The following DNAH5 variants were observed in gnomAD, a reference collection of about 807,000 sequenced individuals.
The protein encoded by DNAH5 is dynein axonemal heavy chain 5.
A neutral mutation model predicts 518.2 loss-of-function variants in DNAH5; 372 were observed. That is an observed-to-expected ratio of 0.72 (90% CI 0.66 to 0.78). DNAH5 has a LOEUF of 0.78. Ranked by LOEUF, DNAH5 falls within the 30% of genes least tolerant of loss-of-function variation. The pLI, the probability that DNAH5 is intolerant of heterozygous loss-of-function variation, is 0.00. For synonymous variants in DNAH5, 2,039 were observed against 2,025.9 expected, an observed-to-expected ratio of 1.01 and a Z score of -0.17; for missense variants, 5,523 against 5,687.0, an observed-to-expected ratio of 0.97 and a Z score of 0.93.
In DNAH5 at chr5:13,842,431, G is replaced by T. The variant is rs1255214818; in HGVS notation, c.5272-527C>A. 6.7e-5 allele frequency among the ~76,000 whole-genome samples: 4 copies of T among 59,486 alleles called. 1 individual carries two copies. Among genetic ancestry groups the T allele is most frequent in the Non-Finnish European group, 7.0e-5 (2 of 28,490 alleles). 39.0% of individuals were successfully genotyped at this position (59,486 alleles called of 152,430 possible). On this transcript the variant is annotated intron_variant, in intron 32 of 78. Coordinates refer to ENST00000265104, the MANE Select transcript of DNAH5 (RefSeq NM_001369.3). ...GAGAAAGAAAAGAAAAGAAAAGAAAGAAAGAAAGAAAGAAAGAAAGAAAGA... is the reference window on the plus strand; with the variant it reads ...GAGAAAGAAAAGAAAAGAAAAGAAATAAAGAAAGAAAGAAAGAAAGAAAGA...
intron 31 of DNAH5, among the ~76,000 whole-genome samples, chr5:13,846,635 A>G (rs955059912): frequency 6.6e-6 from 1 of 152,126 alleles, no homozygotes; most frequent in African/African-American, 2.4e-5. Flanking sequence ...ATACAAAGAG[A>G]GGGTCATGCT....
rs778689094 is a variant in DNAH5, at chr5:13,817,634, A to G, written c.6902T>C (p.Met2301Thr). 1.2e-6 allele frequency: 2 copies of G among 1,614,052 alleles called. No individual in the cohort carries two copies. Among genetic ancestry groups the G allele is most frequent in the African/African-American group, 2.7e-5 (2 of 74,934 alleles). ...TGTGGCAACGTCCAGCCGACCAAAC[A>G]TCTGTGGGGCAGTAATCGCTTTGGG... ...MNPKAITAPQMFGRLDVATND... is the reference protein window; with the variant it reads ...MNPKAITAPQTFGRLDVATND... The change falls in exon 42 of 79, where the codon ATG becomes ACG. Residue 2301 changes from methionine to threonine, a missense_variant. Met to Thr is a moderately conservative substitution (Grantham distance 81, BLOSUM62 -1). Transcript: ENST00000265104.
At chr5:13,977,130 A>T (rs1309700663) in intron 1 of DNAH5, among the ~76,000 whole-genome samples, 1 of 152,170 alleles carries the variant, frequency 6.6e-6, no homozygotes, top group Non-Finnish European at 1.5e-5. Flanking sequence ...CACTTCTTTT[A>T]GCAGTCTTGG....
chr5:13,913,801 T>G lies in DNAH5; in HGVS notation c.1478A>C (p.Tyr493Ser), dbSNP rs1202284664. Residue 493 changes from tyrosine (Y) to serine (S), a missense_variant, in exon 11 of 79, where the codon TAT (tyrosine) becomes TCT (serine). By Grantham distance (144) the Tyr-to-Ser change is moderately radical (BLOSUM62 -2). This residue lies in a region of DNAH5 where 5,121 missense variants were observed against 5,223.3 expected (regional missense o/e 0.98). Coordinates refer to ENST00000265104, the MANE Select transcript of DNAH5 (RefSeq NM_001369.3). ...IIDIFTTLKT[Y>S]SVLQDSTIEG... ...AATTGTGGAATCTTGCAGGACTGAA[T>G]ACGTCTTGAGGGTTGTAAAGATGTC... 1 of 1,613,648 alleles carries G rather than the reference T, an allele frequency of 6.2e-7. No individual in the cohort carries two copies. The highest frequency in any genetic ancestry group is 8.5e-7 in the Non-Finnish European group (1 of 1,179,602).
rs1026057493 is a variant in DNAH5 at position 13,765,120 on chromosome 5, T to A, written c.10101+856A>T. On this transcript the variant is annotated intron_variant, in intron 59 of 78. Transcript: ENST00000265104. ...GCTACCATGCACCTCTTCTCAACTC[T>A]AGATTCAGCAACATCATTTTGGCAG... Among the ~76,000 whole-genome samples the A allele has an allele frequency of 2.0e-5, 3 of 152,204 alleles. No individual in the cohort carries two copies. The East Asian group carries it at 5.8e-4, about 29-fold the overall frequency.
Position 13,714,453 on chromosome 5 carries a change from C to G in DNAH5, c.13077G>C (p.Leu4359=), listed in dbSNP as rs148805204. ...DETREAVVAR[L]ADDMLEKLPP... ...GCAGCTTCTCCAGCATATCATCAGCCAGCCGGGCCACCACCGCCTCCCGGG... is the reference window on the plus strand; with the variant it reads ...GCAGCTTCTCCAGCATATCATCAGCGAGCCGGGCCACCACCGCCTCCCGGG... Residue 4359 remains leucine, a synonymous_variant, in exon 75 of 79, where the codon CTG becomes CTC. Transcript: ENST00000265104. 1 of 1,613,986 alleles carries G rather than the reference C, an allele frequency of 6.2e-7. No individual in the cohort carries two copies. Among genetic ancestry groups the G allele is most frequent in the African/African-American group, 1.3e-5 (1 of 74,910 alleles).
chr5:13,792,322 T>A (rs1757129232), intron 49 of DNAH5, 105 bp from the exon 50 acceptor site: 3 of 874,378 alleles, frequency 3.4e-6, no homozygotes, highest in South Asian at 2.9e-5. Context: ...TTATACATTT[T>A]AATAGATAAT....
intron 10 of DNAH5, 31 bp downstream of exon 10, chr5:13,914,489 T>A: frequency 6.2e-7 from 1 of 1,607,682 alleles, no homozygotes; most frequent in Non-Finnish European, 8.5e-7. Flanking sequence ...ATAAAAAGAA[T>A]AGAACATCTA....
chr5:13,926,715 G>A (rs1777908173), intron 3 of DNAH5, among the ~76,000 whole-genome samples: 1 of 152,214 alleles, frequency 6.6e-6, no homozygotes, highest in South Asian at 2.1e-4. Context: ...CCAGTGAGAA[G>A]ATTTAAAGGT....
chr5:13,889,625 T>A (rs1332268567), intron 17 of DNAH5, among the ~76,000 whole-genome samples: 1 of 152,202 alleles, frequency 6.6e-6, no homozygotes, highest in African/African-American at 2.4e-5. Context: ...TGATTCCTTC[T>A]GGGAGTCTGG....
chr5:13,831,834 C>T (rs777174003), intron 35 of DNAH5, among the ~76,000 whole-genome samples: 1 of 152,200 alleles, frequency 6.6e-6, no homozygotes, highest in Non-Finnish European at 1.5e-5. Flanking sequence ...GTGTGCTCCA[C>T]ATGCATCATC....
At chr5:13,713,271 C>A (rs563367559) in intron 75 of DNAH5, among the ~76,000 whole-genome samples, 2 of 122,260 alleles carry the variant, frequency 1.6e-5, no homozygotes, top group African/African-American at 3.1e-5. Flanking sequence ...ATATATATAC[C>A]GACATATATA....
intron 1 of DNAH5, among the ~76,000 whole-genome samples, chr5:13,955,998 C>T (rs1427754702): frequency 6.6e-6 from 1 of 152,092 alleles, no homozygotes; most frequent in Non-Finnish European, 1.5e-5. Context: ...AATCTCCTAC[C>T]TTCCCTGCAA....
At position 13,885,238 on chromosome 5, in the gene DNAH5, G is replaced by A. The variant is rs1772234629; in HGVS notation, c.2744-10C>T. On this transcript the variant is annotated splice_polypyrimidine_tract_variant and intron_variant, in intron 18 of 78. Transcript: ENST00000265104. ...CCTTCTTCTCTTTTTGCTGTTACAAGATGAAAGAGATAGAGATAGAGATAA... is the reference window on the plus strand; with the variant it reads ...CCTTCTTCTCTTTTTGCTGTTACAAAATGAAAGAGATAGAGATAGAGATAA... 6.2e-7 allele frequency: 1 copy of A among 1,613,694 alleles called. No homozygotes were observed.
At chr5:13,953,945 T>A (rs1581032409) in intron 1 of DNAH5, among the ~76,000 whole-genome samples, 1 of 152,276 alleles carries the variant, frequency 6.6e-6, no homozygotes, top group East Asian at 1.9e-4. Flanking sequence ...TGACCTCATG[T>A]GATCCACCCA....
chr5:13,695,785 G>A (rs544019071), intron 78 of DNAH5, among the ~76,000 whole-genome samples: 18 of 152,138 alleles, frequency 1.2e-4, no homozygotes, highest in Admixed American at 5.2e-4. Flanking sequence ...GATGTTATTC[G>A]ACACTTCTTT....
Position 13,870,954 on chromosome 5 carries a change from A to C in DNAH5, c.3647T>G (p.Val1216Gly), listed in dbSNP as rs773751117. 1.9e-6 allele frequency: 3 copies of C among 1,613,682 alleles called. No homozygotes were observed. The highest frequency in any genetic ancestry group is 2.5e-6 in the Non-Finnish European group (3 of 1,179,818). The change falls in exon 24 of 79, where the codon GTC (valine) becomes GGC (glycine). Residue 1216 changes from valine to glycine, a missense_variant. Physicochemically the swap from Val to Gly is moderately radical, Grantham distance 109. Coordinates refer to ENST00000265104, the MANE Select transcript of DNAH5 (RefSeq NM_001369.3). ...LTAETKAWMV[V>G]IGRHCNKKYR... The stretch of plus-strand genomic sequence containing the variant: ...TTTTTTGTTACAGTGGCGTCCAATG[A>C]CAACCATCCAGGCCTTTGTCTCAGC...
Position 13,928,118 on chromosome 5 carries a change from G to C in DNAH5, c.253C>G (p.Gln85Glu). ...CCTGTTTCTGCTTCCTCCACATCTT[G>C]ATAGTAAAACATGAGGTGTCGGAGA... ...GGLRHLMFYY[Q>E]DVEEAETGQL... The change falls in exon 3 of 79, where the codon CAA becomes GAA. Residue 85 changes from glutamine (Q) to glutamate (E), a missense_variant. By Grantham distance (29) the Gln-to-Glu change is conservative. Transcript: ENST00000265104. The C allele has an allele frequency of 6.2e-7, 1 of 1,613,778 alleles. No individual in the cohort carries two copies. Among genetic ancestry groups the C allele is most frequent in the Non-Finnish European group, 8.5e-7 (1 of 1,179,734 alleles).
At position 13,753,331 on chromosome 5, in the gene DNAH5, T is replaced by G. The variant is rs758395320; in HGVS notation, c.10774A>C (p.Ile3592Leu). The G allele has an allele frequency of 3.5e-5, 57 of 1,613,836 alleles. No homozygotes were observed. Among genetic ancestry groups the G allele is most frequent in the Non-Finnish European group, 4.4e-5 (52 of 1,179,834 alleles). Reference sequence around the variant, plus strand: ...TAACGAGATGCCTTCGTGACAATAATTCCATTTTGAATGGACAAGTCATCA... The same window carrying G: ...TAACGAGATGCCTTCGTGACAATAAGTCCATTTTGAATGGACAAGTCATCA... ...PNDDLSIQNG[I>L]IVTKASRYPL... The change falls in exon 63 of 79, where the codon ATT becomes CTT. Residue 3592 changes from isoleucine (I) to leucine (L), a missense_variant. Transcript: ENST00000265104.
Sources: allele counts gnomAD v4.1 joint callset (sites outside exome capture counted in the v4.1 genomes callset), GRCh38; gene constraint gnomAD v4.1.1; regional missense constraint gnomAD v4.1.1; transcripts MANE v1.5; gene names NCBI Gene and HGNC (gene_info 2026-07-23, HGNC 2026-07-21).